Variants in SLC7A11 observed in about 807,000 individuals in gnomAD.
SLC7A11 encodes the protein solute carrier family 7 member 11, also known as cystine/glutamate transporter.
A neutral mutation model predicts 54.5 loss-of-function variants in SLC7A11; 35 were observed. The ratio of observed to expected loss-of-function variants is 0.64; its 90% confidence interval spans 0.49 to 0.85. The LOEUF (loss-of-function observed/expected upper bound fraction) is 0.85. SLC7A11 is among the 40% of genes least tolerant of loss of function. The pLI is 0.00. For synonymous variants in SLC7A11, 230 were observed against 225.2 expected (o/e 1.02, Z -0.19); for missense variants, 583 against 618.1 (o/e 0.94, Z 0.60).
intron 10 of SLC7A11, 25 bp from the exon 11 acceptor site, chr4:138,179,419 C>G (rs776125773): frequency 4.4e-6 from 7 of 1,602,380 alleles, no homozygotes; most frequent in African/African-American, 1.3e-5. Flanking sequence ...ACAAAAAAGT[C>G]ACTTCAAACA....
At chr4:138,235,773 A>C (rs150021040) in intron 2 of SLC7A11, among the ~76,000 whole-genome samples, 24 of 152,352 alleles carry the variant, frequency 1.6e-4, no homozygotes, top group African/African-American at 5.1e-4. Flanking sequence ...ATAAAATCAA[A>C]AAAGACTTTT....
At chr4:138,229,672 T>C (rs1253335088) in intron 3 of SLC7A11, among the ~76,000 whole-genome samples, 1 of 152,216 alleles carries the variant, frequency 6.6e-6, no homozygotes, top group East Asian at 1.9e-4. Flanking sequence ...GCAGTTTTCA[T>C]TTAATCCTCA....
intron 11 of SLC7A11, among the ~76,000 whole-genome samples, chr4:138,178,976 A>G (rs1196325730): frequency 1.3e-5 from 2 of 152,138 alleles, no homozygotes; most frequent in Non-Finnish European, 2.9e-5. Context: ...AATTTCATCT[A>G]AAACAAAGCT....
chr4:138,185,392 G>T, intron 6 of SLC7A11, 148 bp from the exon 7 acceptor site: 1 of 895,638 alleles, frequency 1.1e-6, no homozygotes, highest in Non-Finnish European at 1.7e-6. Flanking sequence ...CATTTCATCA[G>T]GGCAAAAAAC....
chr4:138,197,747 A>T (rs1737176032), intron 6 of SLC7A11, among the ~76,000 whole-genome samples: 1 of 151,938 alleles, frequency 6.6e-6, no homozygotes, highest in South Asian at 2.1e-4. Flanking sequence ...GAAAAATAAT[A>T]ATAATTGAGG....
intron 3 of SLC7A11, among the ~76,000 whole-genome samples, chr4:138,225,069 CAAAA>C (rs936377916): frequency 1.5e-5 from 2 of 134,270 alleles, no homozygotes; most frequent in African/African-American, 5.5e-5. Flanking sequence ...CAGAACAAAA[CAAAA>C]AAAAGAGGGG....
At chr4:138,187,447 G>A (rs368577333) in intron 6 of SLC7A11, among the ~76,000 whole-genome samples, 17 of 152,170 alleles carry the variant, frequency 1.1e-4, no homozygotes, top group African/African-American at 3.1e-4. Context: ...TAAAGTCTTC[G>A]AGAGCTTAAA....
chr4:138,223,409 T>C, intron 3 of SLC7A11, 85 bp from the exon 4 acceptor site: 1 of 1,428,524 alleles, frequency 7.0e-7, no homozygotes, highest in Admixed American at 1.8e-5. Flanking sequence ...AAGGGCAATC[T>C]GTGAGGCAGC....
intron 6 of SLC7A11, among the ~76,000 whole-genome samples, chr4:138,201,095 A>T (rs1360633044): frequency 1.4e-4 from 21 of 152,128 alleles, no homozygotes; most frequent in Non-Finnish European, 1.5e-5. Flanking sequence ...CAGGACCTAG[A>T]AATGACTTTG....
intron 6 of SLC7A11, among the ~76,000 whole-genome samples, chr4:138,208,360 G>C (rs753779002): frequency 1.3e-5 from 2 of 152,064 alleles, no homozygotes; most frequent in Non-Finnish European, 2.9e-5. Flanking sequence ...AATAGACAAA[G>C]TGGCTAATCT....
chr4:138,180,785 A>T lies in SLC7A11; in HGVS notation c.1122T>A (p.Pro374=). The part of the protein sequence containing the change: ...TPLPAVIVLH[P]LTMIMLFSGD... ...CAGAGAAGAGCATTATCATTGTCAA[A>T]GGGTGCTGAGGGGGGAAAGGGAAGC... The change falls in exon 10 of 12, where the codon CCT becomes CCA. Residue 374 remains proline (P), a synonymous_variant. Transcript: ENST00000280612. 6.2e-7 allele frequency: 1 copy of T among 1,610,614 alleles called. No individual in the cohort carries two copies. Among genetic ancestry groups the T allele is most frequent in the Non-Finnish European group, 8.5e-7 (1 of 1,178,470 alleles).
intron 10 of SLC7A11, 115 bp from the exon 11 acceptor site, chr4:138,179,509 A>G (rs1736667887): frequency 1.2e-6 from 1 of 838,162 alleles, no homozygotes. Context: ...TAGTCATGCG[A>G]CCAGGTAACA....
At chr4:138,228,136 T>C (rs763047745) in intron 3 of SLC7A11, among the ~76,000 whole-genome samples, 9 of 152,146 alleles carry the variant, frequency 5.9e-5, no homozygotes, top group Non-Finnish European at 1.3e-4. Context: ...CAATCACAAA[T>C]GTTATTTTTG....
chr4:138,164,221 A>ACAAC lies in SLC7A11; in HGVS notation c.*7731_*7734dup, dbSNP rs1736194223. 6.6e-6 allele frequency: 1 copy of ACAAC among 152,446 alleles called. No individual in the cohort carries two copies. Among genetic ancestry groups the ACAAC allele is most frequent in the Non-Finnish European group, 1.5e-5 (1 of 68,004 alleles). 9.4% of individuals were successfully genotyped at this position (152,446 alleles called of 1,614,324 possible). ...CGTGACAGGTATAATACATATAAAT[A>ACAAC]CAACCAAAATTCAATTCAATGCAAA... On this transcript the variant is annotated 3_prime_UTR_variant, in exon 12 of 12. Transcript: ENST00000280612.
chr4:138,200,453 T>G (rs910542195), intron 6 of SLC7A11, among the ~76,000 whole-genome samples: 1 of 152,164 alleles, frequency 6.6e-6, no homozygotes, highest in African/African-American at 2.4e-5. Context: ...AGGCAAATTT[T>G]AATGCTCTGA....
At chr4:138,227,831 C>A (rs1737979397) in intron 3 of SLC7A11, among the ~76,000 whole-genome samples, 1 of 151,876 alleles carries the variant, frequency 6.6e-6, no homozygotes, top group African/African-American at 2.4e-5. Context: ...CCACATTTTG[C>A]ATGTCATCCT....
At position 138,227,218 on chromosome 4, in the gene SLC7A11, C is replaced by T. The variant is rs181207083; in HGVS notation, c.521-3894G>A. ...CTTCTTGGCTTCTGAATTCTGAGTA[C>T]TTTGTGCTTAACTGATAAAATATAT... On this transcript the variant is annotated intron_variant, in intron 3 of 11. Transcript: ENST00000280612. Among the ~76,000 whole-genome samples, 585 of 152,238 alleles carry T rather than the reference C, an allele frequency of 3.8e-3. 5 individuals are homozygous for T. The highest frequency in any genetic ancestry group is 0.013 in the African/African-American group (540 of 41,532).
intron 4 of SLC7A11, among the ~76,000 whole-genome samples, chr4:138,221,884 G>A (rs1737822113): frequency 6.6e-6 from 1 of 152,202 alleles, no homozygotes; most frequent in Non-Finnish European, 1.5e-5. Context: ...AACAGCCAAT[G>A]ACCCAGAGAT....
In SLC7A11 at chr4:138,169,736, A is replaced by G. The variant is rs936927099; in HGVS notation, c.*2220T>C. 2.0e-5 allele frequency: 3 copies of G among 151,962 alleles called. No individual in the cohort carries two copies. The highest frequency in any genetic ancestry group is 2.9e-5 in the Non-Finnish European group (2 of 67,944). 9.4% of individuals were successfully genotyped at this position (151,962 alleles called of 1,614,324 possible). ...AGCCTAGTCTATGGGGAAAAAAAAA[A>G]TAGGAATATGAAAGAAATTCTTACC... On this transcript the variant is annotated 3_prime_UTR_variant, in exon 12 of 12. Coordinates refer to ENST00000280612, the MANE Select transcript of SLC7A11 (RefSeq NM_014331.4).
Sources: allele counts gnomAD v4.1 joint callset (sites outside exome capture counted in the v4.1 genomes callset), GRCh38; gene constraint gnomAD v4.1.1; transcripts MANE v1.5; gene names NCBI Gene and HGNC (gene_info 2026-07-23, HGNC 2026-07-21).